Variants in CYP51A1 observed in about 807,000 individuals in gnomAD.
CYP51A1 encodes cytochrome P450 family 51 subfamily A member 1.
Under a neutral mutation model 53.5 loss-of-function variants are expected in CYP51A1, and 45 were observed. The observed-to-expected ratio is 0.84, with a 90% CI of 0.66 to 1.08. The LOEUF is 1.08. CYP51A1 is among the 50% of genes least tolerant of loss of function. CYP51A1 has a pLI of 0.00. For synonymous variants in CYP51A1, 181 were observed against 217.7 expected, an observed-to-expected ratio of 0.83 and a Z score of 1.48; for missense variants, 462 against 621.7, an observed-to-expected ratio of 0.74 and a Z score of 2.73.
intron 1 of CYP51A1, among the ~76,000 whole-genome samples, chr7:92,133,684 C>T (rs1819971529): frequency 6.6e-6 from 1 of 152,150 alleles, no homozygotes; most frequent in South Asian, 2.1e-4. Context: ...AGGGGCACTG[C>T]TACAGCCCAC....
Position 92,126,908 on chromosome 7 carries a change from A to G in CYP51A1, c.596-481T>C, listed in dbSNP as rs182428051. On this transcript the variant is annotated intron_variant, in intron 4 of 9. Transcript: ENST00000003100. The stretch of plus-strand genomic sequence containing the variant: ...TTAGTATATCCCAACACTGGAGACA[A>G]ATGCACCAGGCAAGCATAATTTGAT... 7.9e-5 allele frequency among the ~76,000 whole-genome samples: 12 copies of G among 152,344 alleles called. No individual in the cohort carries two copies. In the East Asian group the frequency reaches 2.3e-3, roughly 29 times the overall value.
chr7:92,113,155 T>C lies in CYP51A1; in HGVS notation c.*510A>G, dbSNP rs1482091875. ...TCTGAGTATCATCATACCAAAACAA[T>C]TAGTATTCTCTTATTCAAGGCTTTA... On this transcript the variant is annotated 3_prime_UTR_variant, in exon 10 of 10. Transcript: ENST00000003100. The C allele has an allele frequency of 6.6e-6, 1 of 152,292 alleles. No individual in the cohort carries two copies. The highest frequency in any genetic ancestry group is 6.5e-5 in the Admixed American group (1 of 15,270). The allele number at this position is 152,292 out of a possible 1,614,324, so 9.4% of individuals were successfully genotyped here.
chr7:92,132,986 A>G (rs1819955060), intron 1 of CYP51A1, among the ~76,000 whole-genome samples: 1 of 152,206 alleles, frequency 6.6e-6, no homozygotes. Context: ...TTTAAACACT[A>G]AAAGTAACTT....
chr7:92,132,767 A>T (rs1819949664), intron 1 of CYP51A1, among the ~76,000 whole-genome samples: 1 of 152,210 alleles, frequency 6.6e-6, no homozygotes, highest in Non-Finnish European at 1.5e-5. Flanking sequence ...TAGAGTTTTT[A>T]AGAGAGTAGA....
Position 92,118,397 on chromosome 7 carries a change from T to A in CYP51A1, c.1182+123A>T. 7.2e-6 allele frequency: 5 copies of A among 694,220 alleles called. No homozygotes were observed. The East Asian group carries it at 1.3e-4, about 18-fold the overall frequency. The allele number at this position is 694,220 out of a possible 1,614,324, so 43.0% of individuals were successfully genotyped here. A position where few individuals can be genotyped will look rare whatever the true frequency, so the allele number is the denominator to read the frequency against. On this transcript the variant is annotated intron_variant, in intron 8 of 9. Coordinates refer to ENST00000003100, the MANE Select transcript of CYP51A1 (RefSeq NM_000786.4). ...GCTGGTCTCAAATTCTGGCCTCAAG[T>A]GATCCTCCCACCTCAGCCTCCCAAA... is the stretch of plus-strand genomic sequence containing the variant.
At chr7:92,121,434 A>G (rs1298087463) in intron 7 of CYP51A1, among the ~76,000 whole-genome samples, 1 of 152,170 alleles carries the variant, frequency 6.6e-6, no homozygotes, top group Non-Finnish European at 1.5e-5. Flanking sequence ...GCAGTTCTTC[A>G]AAGTTACCTT....
intron 9 of CYP51A1, among the ~76,000 whole-genome samples, chr7:92,115,227 T>C (rs972678821): frequency 4.6e-5 from 7 of 152,148 alleles, no homozygotes; most frequent in African/African-American, 1.7e-4. Context: ...TTTAACAAGA[T>C]TAACGTAAGA....
At chr7:92,128,527 A>G (rs1439351535) in intron 3 of CYP51A1, among the ~76,000 whole-genome samples, 2 of 151,268 alleles carry the variant, frequency 1.3e-5, no homozygotes, top group Non-Finnish European at 2.9e-5. Flanking sequence ...TCTGTTGCCA[A>G]GGCTAAAGTG....
rs755694531 is a variant in CYP51A1, at chr7:92,113,647, C to T, written c.*18G>A. 6 of 1,608,918 alleles carry T rather than the reference C, an allele frequency of 3.7e-6. No homozygotes were observed. The highest frequency in any genetic ancestry group is 4.2e-6 in the Non-Finnish European group (5 of 1,177,770). On this transcript the variant is annotated 3_prime_UTR_variant, in exon 10 of 10. Transcript: ENST00000003100. Reference sequence around the variant, plus strand: ...GCTTACAGTGATAATCACATATATTCGTTCCTTGCAACCTTTTTCATTTTG... The same window carrying T: ...GCTTACAGTGATAATCACATATATTTGTTCCTTGCAACCTTTTTCATTTTG...
chr7:92,134,603 A>G, upstream of CYP51A1: 1 of 491,522 alleles, frequency 2.0e-6, no homozygotes, highest in Non-Finnish European at 3.6e-6. Flanking sequence ...TGCGCGGGAT[A>G]GGGCACCTGA....
At position 92,134,472 on chromosome 7, in the gene CYP51A1, C is replaced by T; in HGVS notation, c.-108G>A. 1 of 1,217,252 alleles carries T rather than the reference C, an allele frequency of 8.2e-7. No homozygotes were observed. The highest frequency in any genetic ancestry group is 1.1e-6 in the Non-Finnish European group (1 of 894,578). The allele number at this position is 1,217,252 out of a possible 1,614,324, so 75.4% of individuals were successfully genotyped here. A position where few individuals can be genotyped will look rare whatever the true frequency, so the allele number is the denominator to read the frequency against. On this transcript the variant is annotated 5_prime_UTR_variant, in exon 1 of 10. Transcript: ENST00000003100. ...CCACAGGGGGCCTTGCCCCAGGTCTCCTACTAAACCCAGCCCCACCCCTCG... is the reference window on the plus strand; with the variant it reads ...CCACAGGGGGCCTTGCCCCAGGTCTTCTACTAAACCCAGCCCCACCCCTCG...
rs748388423 is a variant in CYP51A1, at chr7:92,134,350, AGCC to A, written c.12_14del (p.Ala5del). 4.4e-6 allele frequency: 7 copies of A among 1,580,986 alleles called. No homozygotes were observed. Among genetic ancestry groups the A allele is most frequent in the East Asian group, 2.3e-5 (1 of 43,214 alleles). ...GCAGCAAGCCCAGCAGCAGCATCCC[AGCC>A]GCCGCCGCCATTCACTCCGTCGGAA... On this transcript the variant is annotated inframe_deletion, in exon 1 of 10. Coordinates refer to ENST00000003100, the MANE Select transcript of CYP51A1 (RefSeq NM_000786.4).
chr7:92,128,467 T>TGTGC lies in CYP51A1; in HGVS notation c.468+412_468+413insGCAC, dbSNP rs1563181293. On this transcript the variant is annotated intron_variant, in intron 3 of 9. Transcript: ENST00000003100. ...GTGTGTGTGTGTGTGCGCGTGCGTG[T>TGTGC]GTGTGTGTGTGTTTGGTTTTTTGTT... Among the ~76,000 whole-genome samples, 144 of 150,436 alleles carry TGTGC rather than the reference T, an allele frequency of 9.6e-4. 3 individuals carry two copies. The Middle Eastern group carries it at 0.014, about 15-fold the overall frequency.
chr7:92,113,640 A>G lies in CYP51A1; in HGVS notation c.*25T>C. 5.6e-6 allele frequency: 9 copies of G among 1,606,148 alleles called. No homozygotes were observed. Among genetic ancestry groups the G allele is most frequent in the Non-Finnish European group, 7.7e-6 (9 of 1,175,296 alleles). ...CTTTGTGGCTTACAGTGATAATCAC[A>G]TATATTCGTTCCTTGCAACCTTTTT... On this transcript the variant is annotated 3_prime_UTR_variant, in exon 10 of 10. Coordinates refer to ENST00000003100, the MANE Select transcript of CYP51A1 (RefSeq NM_000786.4).
intron 7 of CYP51A1, among the ~76,000 whole-genome samples, chr7:92,120,193 T>C (rs940570811): frequency 1.3e-5 from 2 of 152,190 alleles, no homozygotes; most frequent in African/African-American, 4.8e-5. Flanking sequence ...CCCAAATTAA[T>C]ATGGCGATAC....
chr7:92,120,357 T>C (rs1406206295), intron 7 of CYP51A1, among the ~76,000 whole-genome samples: 1 of 152,220 alleles, frequency 6.6e-6, no homozygotes, highest in Non-Finnish European at 1.5e-5. Flanking sequence ...TCAAAACTTA[T>C]TACAAAACTA....
Position 92,123,742 on chromosome 7 carries a change from A to T in CYP51A1, c.882T>A (p.Ala294=), listed in dbSNP as rs1166704169. 2 of 1,606,938 alleles carry T rather than the reference A, an allele frequency of 1.2e-6. No homozygotes were observed. Among genetic ancestry groups the T allele is most frequent in the East Asian group, 4.5e-5 (2 of 44,706 alleles). ...IDDILQTLLD[A]TYKDGRPLTD... is the part of the protein sequence containing the mutation. ...ATCTGAATAGCTCTTACTTGTATGT[A>T]GCATCTAGTAAAGTTTGGAGAATGT... The change falls in exon 6 of 10, where the codon GCT becomes GCA. Residue 294 remains alanine, a synonymous_variant. Coordinates refer to ENST00000003100, the MANE Select transcript of CYP51A1 (RefSeq NM_000786.4).
intron 3 of CYP51A1, among the ~76,000 whole-genome samples, 200 bp downstream of exon 3, chr7:92,128,680 G>T (rs1323287499): frequency 6.6e-6 from 1 of 151,960 alleles, no homozygotes; most frequent in Non-Finnish European, 1.5e-5. Flanking sequence ...GTAGAGACAG[G>T]GTTTCACCAT....
At chr7:92,121,116 C>G (rs1296473005) in intron 7 of CYP51A1, among the ~76,000 whole-genome samples, 1 of 152,034 alleles carries the variant, frequency 6.6e-6, no homozygotes, top group Non-Finnish European at 1.5e-5. Context: ...ATGGTACAAC[C>G]TTGTCTCTAC....
Sources: gnomAD v4.1 joint callset for allele counts (sites outside exome capture counted in the v4.1 genomes callset) on GRCh38, gnomAD v4.1.1 for gene constraint, MANE v1.5 for transcripts, NCBI Gene and HGNC (gene_info 2026-07-23, HGNC 2026-07-21) for gene names.